The following MAP3K3 variants were observed in gnomAD, a reference collection of about 807,000 sequenced individuals.
MAP3K3 encodes the protein MAP/ERK kinase kinase 3.
MAP3K3 carries 12 observed loss-of-function variants against 80.9 expected under a neutral mutation model. The ratio of observed to expected loss-of-function variants is 0.15; its 90% CI spans 0.10 to 0.24. MAP3K3 has a LOEUF of 0.24. Ranked by LOEUF, MAP3K3 falls within the 10% of genes least tolerant of loss-of-function variation. The pLI, the probability that MAP3K3 is intolerant of heterozygous loss-of-function variation, is 1.00. For synonymous variants in MAP3K3, 272 were observed against 307.1 expected, an observed-to-expected ratio of 0.89 and a Z score of 1.19; for missense variants, 596 against 834.7, an observed-to-expected ratio of 0.71 and a Z score of 3.52.
intron 1 of MAP3K3, among the ~76,000 whole-genome samples, chr17:63,626,276 G>GGC (rs1191503548): frequency 6.6e-6 from 1 of 152,186 alleles, no homozygotes; most frequent in Non-Finnish European, 1.5e-5. Flanking sequence ...CTGTGCCTGT[G>GGC]TTATCCTGTC....
At chr17:63,661,136 T>C (rs1478906324) in intron 5 of MAP3K3, among the ~76,000 whole-genome samples, 2 of 152,136 alleles carry the variant, frequency 1.3e-5, no homozygotes, top group African/African-American at 4.8e-5. Context: ...AACCTCCGCC[T>C]CCCAGATTCA....
chr17:63,627,347 A>G (rs2034122487), intron 1 of MAP3K3, among the ~76,000 whole-genome samples: 1 of 152,154 alleles, frequency 6.6e-6, no homozygotes, highest in Non-Finnish European at 1.5e-5. Context: ...GGTAGCTTCT[A>G]AGTGTGTCAG....
chr17:63,696,112 A>T lies in MAP3K3; in HGVS notation c.*2335A>T, dbSNP rs956142162. The stretch of plus-strand genomic sequence containing the variant: ...GAGGCCAGGGCTGGGGACAGTCCGC[A>T]CTCTGCCACCCTCCTGCCCCTTCCA... On this transcript the variant is annotated 3_prime_UTR_variant, in exon 16 of 16. Transcript: ENST00000361733. 1 of 151,704 alleles carries T rather than the reference A, an allele frequency of 6.6e-6. No individual in the cohort carries two copies. Among genetic ancestry groups the T allele is most frequent in the Non-Finnish European group, 1.5e-5 (1 of 67,898 alleles). The allele number at this position is 151,704 out of a possible 1,614,324, so 9.4% of individuals were successfully genotyped here.
chr17:63,638,722 G>T (rs1443523947), intron 2 of MAP3K3, among the ~76,000 whole-genome samples: 1 of 152,168 alleles, frequency 6.6e-6, no homozygotes, highest in Admixed American at 6.5e-5. Context: ...TTTAACATGT[G>T]CCTATGGTCA....
intron 5 of MAP3K3, among the ~76,000 whole-genome samples, chr17:63,662,732 A>C (rs1406840414): frequency 7.5e-6 from 1 of 134,148 alleles, no homozygotes; most frequent in Non-Finnish European, 1.5e-5. Flanking sequence ...ATCTCAGCTC[A>C]CCGCAGCCTC....
chr17:63,677,341 A>G (rs1053360654), intron 6 of MAP3K3, among the ~76,000 whole-genome samples: 3 of 152,248 alleles, frequency 2.0e-5, no homozygotes, highest in African/African-American at 7.2e-5. Flanking sequence ...TTGAATTGCC[A>G]TAGAACTTGT....
intron 1 of MAP3K3, among the ~76,000 whole-genome samples, chr17:63,624,912 T>G (rs535480869): frequency 1.3e-5 from 2 of 149,806 alleles, no homozygotes; most frequent in East Asian, 3.9e-4. Context: ...ACAGATACAT[T>G]CACACACAGT....
At position 63,691,250 on chromosome 17, in the gene MAP3K3, T is replaced by A; in HGVS notation, c.1344+17T>A. 1.2e-6 allele frequency: 2 copies of A among 1,613,932 alleles called. No individual in the cohort carries two copies. The highest frequency in any genetic ancestry group is 1.7e-6 in the Non-Finnish European group (2 of 1,180,002). On this transcript the variant is annotated intron_variant, in intron 13 of 15. Transcript: ENST00000361733. This position sits in a 1 kb window ranked among gnomAD's most constrained non-coding sequence, Gnocchi z 4.8. ...ATGCCAGGGGTACGTGCCCCTTGAA[T>A]GCATGTGAGACACACACAAAAGAGG...
At chr17:63,683,640 T>G (rs1349275145) in intron 7 of MAP3K3, among the ~76,000 whole-genome samples, 1 of 152,182 alleles carries the variant, frequency 6.6e-6, no homozygotes, top group Admixed American at 6.5e-5. Flanking sequence ...TGAAGAGAAT[T>G]GCTCCTGGTA....
chr17:63,675,246 A>G (rs2035193686), intron 6 of MAP3K3, among the ~76,000 whole-genome samples: 1 of 148,476 alleles, frequency 6.7e-6, no homozygotes, highest in South Asian at 2.1e-4. Context: ...AATATTAGTT[A>G]AGATTTTCTA....
In MAP3K3 at chr17:63,622,494, G is replaced by GGGCC. The variant is rs1403385038; in HGVS notation, c.-264_-261dup. 6.5e-6 allele frequency: 1 copy of GGGCC among 152,784 alleles called. No individual in the cohort carries two copies. Among genetic ancestry groups the GGGCC allele is most frequent in the African/African-American group, 2.4e-5 (1 of 41,338 alleles). 9.5% of individuals were successfully genotyped at this position (152,784 alleles called of 1,614,324 possible). ...GGGTCTGAGGGACTGGCGGGCGGGC[G>GGGCC]GGCCGAGCGGCGCCGCCGAGGCCGG... On this transcript the variant is annotated 5_prime_UTR_variant, in exon 1 of 16. Coordinates refer to ENST00000361733, the MANE Select transcript of MAP3K3 (RefSeq NM_002401.5).
In MAP3K3 at chr17:63,691,290, C is replaced by T; in HGVS notation, c.1344+57C>T. The T allele has an allele frequency of 6.2e-7, 1 of 1,609,958 alleles. No individual in the cohort carries two copies. The highest frequency in any genetic ancestry group is 8.5e-7 in the Non-Finnish European group (1 of 1,177,698). ...CACAAAAGAGGGCCTGACCTGGGGGCTGGGGCCTGCAGGAGGGGGGTCACC... is the reference window on the plus strand; with the variant it reads ...CACAAAAGAGGGCCTGACCTGGGGGTTGGGGCCTGCAGGAGGGGGGTCACC... On this transcript the variant is annotated intron_variant, in intron 13 of 15. Transcript: ENST00000361733. This position sits in a 1 kb window ranked among gnomAD's most constrained non-coding sequence, Gnocchi z 4.8.
chr17:63,631,803 T>A (rs912058152), intron 1 of MAP3K3, among the ~76,000 whole-genome samples: 2 of 152,210 alleles, frequency 1.3e-5, no homozygotes, highest in East Asian at 3.8e-4. Context: ...ACCCTTTGAC[T>A]TCCCCATGGG....
At chr17:63,673,092 C>T (rs771511156) in intron 6 of MAP3K3, among the ~76,000 whole-genome samples, 4 of 152,208 alleles carry the variant, frequency 2.6e-5, no homozygotes, top group Non-Finnish European at 5.9e-5. Context: ...ACTCAGTTCA[C>T]ACTGGAACAT....
At chr17:63,665,695 C>T (rs2034987031) in intron 5 of MAP3K3, among the ~76,000 whole-genome samples, 1 of 152,140 alleles carries the variant, frequency 6.6e-6, no homozygotes, top group Non-Finnish European at 1.5e-5. Context: ...TCCTTTTTGA[C>T]CCTTAGCAGA....
intron 2 of MAP3K3, among the ~76,000 whole-genome samples, chr17:63,642,973 A>T (rs1186115874): frequency 1.3e-5 from 2 of 151,378 alleles, no homozygotes; most frequent in Non-Finnish European, 2.9e-5. Context: ...GCCCAGACTG[A>T]TCTCAAACTC....
intron 4 of MAP3K3, among the ~76,000 whole-genome samples, chr17:63,653,465 A>G (rs2034700038): frequency 1.3e-5 from 2 of 152,192 alleles, no homozygotes; most frequent in African/African-American, 2.4e-5. Flanking sequence ...TCTTTTAGTA[A>G]AGACTTTTCT....
intron 5 of MAP3K3, among the ~76,000 whole-genome samples, chr17:63,665,323 G>A (rs548207933): frequency 1.3e-5 from 2 of 151,720 alleles, no homozygotes; most frequent in South Asian, 2.1e-4. Context: ...CTGCCACCAC[G>A]CCCAGCTAAT....
At chr17:63,631,428 C>G (rs190609812) in intron 1 of MAP3K3, among the ~76,000 whole-genome samples, 18 of 152,302 alleles carry the variant, frequency 1.2e-4, no homozygotes, top group Admixed American at 1.1e-3. Context: ...AAGATAGGCA[C>G]TCTCTTTGGG....
Sources: allele counts gnomAD v4.1 joint callset (sites outside exome capture counted in the v4.1 genomes callset), GRCh38; gene constraint gnomAD v4.1.1; non-coding constraint Gnocchi (gnomAD v3.1); transcripts MANE v1.5; gene names NCBI Gene and HGNC (gene_info 2026-07-23, HGNC 2026-07-21).